The following MCPH1 variants were observed in gnomAD, a reference collection of about 807,000 sequenced individuals.
MCPH1 encodes the protein microcephalin.
A neutral mutation model predicts 84.5 loss-of-function variants in MCPH1; 104 were observed. The observed-to-expected ratio is 1.23, with a 90% CI of 1.05 to 1.45. The LOEUF is 1.45. Ranked by LOEUF, MCPH1 falls within the 40% of genes most tolerant of loss-of-function variation. The pLI, the probability that MCPH1 is intolerant of heterozygous loss-of-function variation, is 0.00. For missense variants in MCPH1, 1,498 were observed against 1,005.7 expected (o/e 1.49, Z -6.62); for synonymous variants, 514 against 366.8 (o/e 1.40, Z -4.58).
intron 12 of MCPH1, among the ~76,000 whole-genome samples, chr8:6,547,932 G>C (rs1376216204): frequency 6.7e-6 from 1 of 149,314 alleles, no homozygotes; most frequent in African/African-American, 2.5e-5. Context: ...TACTTCTCTA[G>C]TTTGGGTTAT....
chr8:6,551,823 C>G (rs963720602), intron 12 of MCPH1, among the ~76,000 whole-genome samples: 5 of 152,128 alleles, frequency 3.3e-5, no homozygotes, highest in African/African-American at 1.2e-4. Context: ...CAGCAAAATA[C>G]AATAACGTAC....
chr8:6,518,561 T>G lies in MCPH1; in HGVS notation c.2214+18632T>G, dbSNP rs1473001698. 2.6e-5 allele frequency among the ~76,000 whole-genome samples: 4 copies of G among 152,328 alleles called. No homozygotes were observed. In the East Asian group the frequency reaches 7.7e-4, roughly 29 times the overall value. On this transcript the variant is annotated intron_variant, in intron 12 of 13. Transcript: ENST00000344683. ...CTTTTCCGTTCATAATCAAGATACATGTTACTGTTTCAAGTTCCAGGTCTT... is the reference window on the plus strand; with the variant it reads ...CTTTTCCGTTCATAATCAAGATACAGGTTACTGTTTCAAGTTCCAGGTCTT...
chr8:6,421,490 C>G lies in MCPH1; in HGVS notation c.233+6607C>G, dbSNP rs373823669. 2.6e-5 allele frequency among the ~76,000 whole-genome samples: 4 copies of G among 151,920 alleles called. No individual in the cohort carries two copies. The East Asian group carries it at 7.7e-4, about 29-fold the overall frequency. ...AACTATCATCCCCCAGCCAAATCCA[C>G]CCTGCCATACTGTTTATTTTTTTTT... On this transcript the variant is annotated intron_variant, in intron 3 of 13. Transcript: ENST00000344683.
chr8:6,608,327 C>T (rs929637028), intron 12 of MCPH1, among the ~76,000 whole-genome samples: 19 of 152,226 alleles, frequency 1.2e-4, no homozygotes, highest in Admixed American at 9.8e-4. Flanking sequence ...GGCCTAAAGG[C>T]AATCGCAAGG....
intron 2 of MCPH1, among the ~76,000 whole-genome samples, chr8:6,412,065 C>T (rs1422942602): frequency 6.6e-6 from 1 of 152,144 alleles, no homozygotes; most frequent in Non-Finnish European, 1.5e-5. Context: ...TTAAGAGGCG[C>T]TCACCACCAG....
chr8:6,488,806 G>C (rs542188727), intron 11 of MCPH1, among the ~76,000 whole-genome samples: 1 of 152,102 alleles, frequency 6.6e-6, no homozygotes, highest in African/African-American at 2.4e-5. Context: ...AGAATGGATT[G>C]CAGGGAGGTA....
chr8:6,437,774 T>G (rs1802886481), intron 5 of MCPH1, among the ~76,000 whole-genome samples: 1 of 152,108 alleles, frequency 6.6e-6, no homozygotes, highest in African/African-American at 2.4e-5. Context: ...CTAACCCCCA[T>G]CAAGACCATG....
chr8:6,526,240 C>G (rs914588609), intron 12 of MCPH1, among the ~76,000 whole-genome samples: 1 of 110,628 alleles, frequency 9.0e-6, no homozygotes, highest in Non-Finnish European at 1.7e-5. Context: ...GGCAATATGG[C>G]AAAACCTTGC....
At chr8:6,459,814 G>A (rs114069679) in intron 9 of MCPH1, among the ~76,000 whole-genome samples, 117 of 152,346 alleles carry the variant, frequency 7.7e-4, no homozygotes, top group African/African-American at 2.8e-3. Flanking sequence ...GTCGATGAGA[G>A]CTGTCAGTCG....
chr8:6,637,620 G>A (rs914593441), intron 13 of MCPH1, among the ~76,000 whole-genome samples: 3 of 152,146 alleles, frequency 2.0e-5, no homozygotes, highest in Admixed American at 2.0e-4. Flanking sequence ...TTAAGTGGGA[G>A]GATTAGGCTG....
rs1341772889 is a variant in MCPH1, at chr8:6,548,415, A to G, written c.2214+48486A>G. ...ATGGCAGTGATAACTCAGAATTAGG[A>G]TTTTGATCCTCATCTCAACCATTAT... On this transcript the variant is annotated intron_variant, in intron 12 of 13. Transcript: ENST00000344683. Among the ~76,000 whole-genome samples, 9 of 152,250 alleles carry G rather than the reference A, an allele frequency of 5.9e-5. No individual in the cohort carries two copies. The East Asian group carries it at 1.7e-3, about 29-fold the overall frequency.
intron 12 of MCPH1, among the ~76,000 whole-genome samples, chr8:6,575,440 AGATAAT>A (rs1213119661): frequency 6.6e-6 from 1 of 152,198 alleles, no homozygotes; most frequent in Non-Finnish European, 1.5e-5. Flanking sequence ...GCTCTAGAAG[AGATAAT>A]GATAAAGAAG....
intron 12 of MCPH1, among the ~76,000 whole-genome samples, chr8:6,535,273 C>T (rs930035593): frequency 2.0e-5 from 3 of 152,144 alleles, no homozygotes; most frequent in African/African-American, 7.2e-5. Flanking sequence ...GTTTGCAACT[C>T]TCCAGAGATA....
At chr8:6,542,627 C>T (rs1821825739) in intron 12 of MCPH1, among the ~76,000 whole-genome samples, 1 of 151,578 alleles carries the variant, frequency 6.6e-6, no homozygotes, top group African/African-American at 2.4e-5. Flanking sequence ...GTCTGAGGAG[C>T]ATTAACATTC....
chr8:6,634,127 T>C (rs550324585), intron 13 of MCPH1, among the ~76,000 whole-genome samples: 4 of 152,258 alleles, frequency 2.6e-5, no homozygotes, highest in Non-Finnish European at 4.4e-5. Context: ...GAATAGTGTA[T>C]TGAAAAACTA....
At chr8:6,508,975 G>A in intron 12 of MCPH1, 1 of 1,614,106 alleles carries the variant, frequency 6.2e-7, no homozygotes, top group Non-Finnish European at 8.5e-7. Flanking sequence ...ATTTGTCGTT[G>A]TCTCCATCCT....
At position 6,614,820 on chromosome 8, in the gene MCPH1, C is replaced by G. The variant is rs145263576; in HGVS notation, c.2215-6634C>G. 2.9e-3 allele frequency among the ~76,000 whole-genome samples: 445 copies of G among 152,274 alleles called. 2 individuals carry two copies. The highest frequency in any genetic ancestry group is 0.01 in the African/African-American group (435 of 41,560). The stretch of plus-strand genomic sequence containing the variant: ...TGCACACAGGAAGCCAGTCACATTA[C>G]TGGATTCCTGGTGAGTTTGACTTTT... On this transcript the variant is annotated intron_variant, in intron 12 of 13. Transcript: ENST00000344683.
At chr8:6,582,255 T>G (rs1289103186) in intron 12 of MCPH1, among the ~76,000 whole-genome samples, 1 of 152,208 alleles carries the variant, frequency 6.6e-6, no homozygotes, top group African/African-American at 2.4e-5. Context: ...ATACACAAAG[T>G]GCTCAATAAA....
At chr8:6,628,202 G>A (rs987933114) in intron 13 of MCPH1, among the ~76,000 whole-genome samples, 3 of 152,054 alleles carry the variant, frequency 2.0e-5, no homozygotes, top group Non-Finnish European at 4.4e-5. Flanking sequence ...TGGGCGCAGT[G>A]GCTCACTCCC....
Sources: gnomAD v4.1 joint callset for allele counts (sites outside exome capture counted in the v4.1 genomes callset) on GRCh38, gnomAD v4.1.1 for gene constraint, MANE v1.5 for transcripts, NCBI Gene and HGNC (gene_info 2026-07-23, HGNC 2026-07-21) for gene names.